The following GLG1 variants were observed in gnomAD, a reference collection of about 807,000 sequenced individuals.
The protein encoded by GLG1 is Golgi apparatus protein 1.
A neutral mutation model predicts 160.5 loss-of-function variants in GLG1; 38 were observed. The ratio of observed to expected loss-of-function variants is 0.24; its 90% CI spans 0.18 to 0.31. The LOEUF is 0.31. Among genes scored for constraint, GLG1 ranks in the 10% least tolerant of loss-of-function variants. The pLI, the probability that GLG1 is intolerant of heterozygous loss-of-function variation, is 1.00. For missense variants in GLG1, 1,373 were observed against 1,505.2 expected, an observed-to-expected ratio of 0.91 and a Z score of 1.45; for synonymous variants, 644 against 543.4, an observed-to-expected ratio of 1.19 and a Z score of -2.57.
chr16:74,472,256 T>C (rs2143254896), intron 14 of GLG1, 93 bp downstream of exon 14: 2 of 840,866 alleles, frequency 2.4e-6, no homozygotes, highest in East Asian at 2.4e-5. Flanking sequence ...GAGTAATACA[T>C]GCTGCAGACA....
intron 22 of GLG1, among the ~76,000 whole-genome samples, chr16:74,460,496 C>T (rs977406431): frequency 3.9e-5 from 6 of 152,316 alleles, no homozygotes; most frequent in African/African-American, 1.4e-4. Context: ...CCGGTGATTC[C>T]AATCAGCTCT....
chr16:74,522,895 G>C (rs1361957785), intron 2 of GLG1, among the ~76,000 whole-genome samples: 1 of 152,126 alleles, frequency 6.6e-6, no homozygotes, highest in Non-Finnish European at 1.5e-5. Flanking sequence ...ATGTTGCTCA[G>C]GCTGGTCTCA....
intron 3 of GLG1, among the ~76,000 whole-genome samples, chr16:74,505,625 C>T (rs909323397): frequency 3.9e-5 from 6 of 152,006 alleles, no homozygotes; most frequent in Admixed American, 6.6e-5. Flanking sequence ...GAGGCTGAGG[C>T]AGGTGGACTG....
intron 11 of GLG1, 80 bp downstream of exon 11, chr16:74,480,161 T>C: frequency 1.7e-6 from 2 of 1,196,166 alleles, no homozygotes; most frequent in East Asian, 2.3e-5. Flanking sequence ...CTAATATGAC[T>C]GAAATCAGAA....
At chr16:74,470,307 TC>T (rs2015152842) in intron 15 of GLG1, among the ~76,000 whole-genome samples, 1 of 136,892 alleles carries the variant, frequency 7.3e-6, no homozygotes, top group African/African-American at 2.8e-5. Flanking sequence ...CTTCCTTCCC[TC>T]CCTCCCTCCT....
At chr16:74,525,334 C>T (rs2017300597) in intron 2 of GLG1, among the ~76,000 whole-genome samples, 3 of 152,124 alleles carry the variant, frequency 2.0e-5, no homozygotes, top group Admixed American at 2.0e-4. Context: ...TCCTAATGAG[C>T]GTGAAGTAAT....
intron 1 of GLG1, among the ~76,000 whole-genome samples, chr16:74,596,997 A>G (rs1958320176): frequency 6.6e-6 from 1 of 151,952 alleles, no homozygotes; most frequent in African/African-American, 2.4e-5. Flanking sequence ...GGTTACTACT[A>G]AGGAGGAGAT....
At chr16:74,474,950 A>C (rs2015344540) in intron 12 of GLG1, among the ~76,000 whole-genome samples, 1 of 152,110 alleles carries the variant, frequency 6.6e-6, no homozygotes, top group Admixed American at 6.6e-5. Context: ...TGGGGTCAGG[A>C]GTTCGAGACC....
At chr16:74,498,447 A>AAATATATATATATATATATATATATATAT (rs1491293119) in intron 4 of GLG1, among the ~76,000 whole-genome samples, 7 of 8,222 alleles carry the variant, frequency 8.5e-4, no homozygotes, top group Admixed American at 5.8e-3. Context: ...AAAAAAAAAA[A>AAATATATATATATATATATATATATATAT]GTATATATAT....
intron 7 of GLG1, 68 bp downstream of exon 7, chr16:74,492,889 A>G (rs1471227582): frequency 2.2e-6 from 2 of 897,422 alleles, no homozygotes. Context: ...GTTTATATAT[A>G]TAAAGCTTTA....
intron 12 of GLG1, among the ~76,000 whole-genome samples, chr16:74,476,566 T>A (rs1307921697): frequency 6.6e-6 from 1 of 152,224 alleles, no homozygotes; most frequent in Non-Finnish European, 1.5e-5. Flanking sequence ...TCACTCCTTA[T>A]TTATGTGGCT....
Position 74,452,277 on chromosome 16 carries a change from G to C in GLG1, c.*890C>G, listed in dbSNP as rs2014343629. ...TCCAGAGTGACTGTAGCCTCAGCAG[G>C]GCCGGTCCAGACATGGCTGAGTCCT... On this transcript the variant is annotated 3_prime_UTR_variant, in exon 26 of 26. Transcript: ENST00000422840. 1.4e-6 allele frequency: 2 copies of C among 1,470,276 alleles called. No homozygotes were observed. Among genetic ancestry groups the C allele is most frequent in the Admixed American group, 2.2e-5 (1 of 44,756 alleles). 91.1% of individuals were successfully genotyped at this position (1,470,276 alleles called of 1,614,324 possible). A position where few individuals can be genotyped will look rare whatever the true frequency, so the allele number is the denominator to read the frequency against.
At chr16:74,538,637 A>G (rs1487171320) in intron 1 of GLG1, among the ~76,000 whole-genome samples, 1 of 152,200 alleles carries the variant, frequency 6.6e-6, no homozygotes, top group African/African-American at 2.4e-5. Context: ...CTGATTCACT[A>G]AAGAGTTGTA....
intron 2 of GLG1, among the ~76,000 whole-genome samples, chr16:74,516,842 T>C (rs967347418): frequency 6.6e-6 from 1 of 151,790 alleles, no homozygotes; most frequent in African/African-American, 2.4e-5. Context: ...AAGAATCAAA[T>C]AGACACAATA....
At chr16:74,513,047 G>C (rs2016864536) in intron 2 of GLG1, among the ~76,000 whole-genome samples, 1 of 152,174 alleles carries the variant, frequency 6.6e-6, no homozygotes, top group Non-Finnish European at 1.5e-5. Flanking sequence ...TTGAAGGTAT[G>C]AAAGATGAGA....
intron 4 of GLG1, among the ~76,000 whole-genome samples, chr16:74,503,280 A>C (rs2016476644): frequency 6.6e-6 from 1 of 152,068 alleles, no homozygotes; most frequent in South Asian, 2.1e-4. Context: ...AGCTGGTCTA[A>C]TATTGTGAAG....
chr16:74,557,093 AC>A (rs1411333868), intron 1 of GLG1, among the ~76,000 whole-genome samples: 1 of 152,150 alleles, frequency 6.6e-6, no homozygotes, highest in Non-Finnish European at 1.5e-5. Flanking sequence ...TTTCAACAGC[AC>A]CCCTAATTGG....
At chr16:74,506,604 A>AAAAAAAAAAAAAAAAAAC (rs1555511216) in intron 3 of GLG1, among the ~76,000 whole-genome samples, 1 of 143,044 alleles carries the variant, frequency 7.0e-6, no homozygotes, top group Non-Finnish European at 1.5e-5. Context: ...AAAAAAAAAA[A>AAAAAAAAAAAAAAAAAAC]CTCAAGAGAA....
At chr16:74,476,034 C>T (rs1188659676) in intron 12 of GLG1, among the ~76,000 whole-genome samples, 3 of 151,846 alleles carry the variant, frequency 2.0e-5, no homozygotes, top group African/African-American at 7.3e-5. Context: ...TACAAAAAAT[C>T]AGGTGGGTGT....
Sources: allele counts gnomAD v4.1 joint callset (sites outside exome capture counted in the v4.1 genomes callset), GRCh38; gene constraint gnomAD v4.1.1; transcripts MANE v1.5; gene names NCBI Gene and HGNC (gene_info 2026-07-23, HGNC 2026-07-21).